The following SH3BP2 variants were observed in gnomAD, a reference collection of about 807,000 sequenced individuals.
SH3BP2 encodes SH3 domain binding protein 2.
A neutral mutation model predicts 56.2 loss-of-function variants in SH3BP2; 38 were observed. That is an observed-to-expected ratio of 0.68 (90% CI 0.52 to 0.89). The LOEUF is 0.89. Ranked by LOEUF, SH3BP2 falls within the 40% of genes least tolerant of loss-of-function variation. SH3BP2 has a pLI of 0.00. For synonymous variants in SH3BP2, 346 were observed against 316.7 expected (o/e 1.09, Z -0.98); for missense variants, 748 against 762.6 (o/e 0.98, Z 0.23).
At position 2,802,542 on chromosome 4, in the gene SH3BP2, GTGTA is replaced by G. The variant is rs1286793617; in HGVS notation, c.-5+9406_-5+9409del. On this transcript the variant is annotated intron_variant, in intron 1 of 12. Transcript: ENST00000503393. Reference sequence around the variant, plus strand: ...TGTATATATATATGTATGTGTGTGTGTGTATATATATGTGTATATATGTATATAT... The same window carrying G: ...TGTATATATATATGTATGTGTGTGTGTATATATGTGTATATATGTATATAT... 5.8e-5 allele frequency among the ~76,000 whole-genome samples: 8 copies of G among 137,940 alleles called. No individual in the cohort carries two copies. The East Asian group carries it at 5.9e-4, about 10-fold the overall frequency. The allele number at this position is 137,940 out of a possible 152,430, so 90.5% of individuals were successfully genotyped here.
chr4:2,831,771 C>G lies in SH3BP2; in HGVS notation c.1350+92C>G, dbSNP rs2108741307. ...GCCAGGGCGGCCCCTCACAGACCGT[C>G]CTGAGCAAGGACCCCCCGAGAACCC... On this transcript the variant is annotated intron_variant, in intron 9 of 12. Coordinates refer to ENST00000503393, the MANE Select transcript of SH3BP2 (RefSeq NM_001122681.2). This position sits in a 1 kb window ranked among gnomAD's most constrained non-coding sequence, Gnocchi z 4.1. 1 of 1,365,654 alleles carries G rather than the reference C, an allele frequency of 7.3e-7. No homozygotes were observed. The highest frequency in any genetic ancestry group is 2.5e-5 in the East Asian group (1 of 40,374). The allele number at this position is 1,365,654 out of a possible 1,614,324, so 84.6% of individuals were successfully genotyped here.
chr4:2,818,761 C>A (rs1288304238), intron 1 of SH3BP2: 4 of 988,110 alleles, frequency 4.0e-6, no homozygotes, highest in Non-Finnish European at 4.8e-6. Context: ...CCGCCCCTGA[C>A]CCCTCCCTGC....
In SH3BP2 at chr4:2,810,661, C is replaced by G. The variant is rs1723712138; in HGVS notation, c.-4-9953C>G. Among the ~76,000 whole-genome samples, 1 of 151,996 alleles carries G rather than the reference C, an allele frequency of 6.6e-6. No individual in the cohort carries two copies. The highest frequency in any genetic ancestry group is 2.4e-5 in the African/African-American group (1 of 41,372). On this transcript the variant is annotated intron_variant, in intron 1 of 12. Transcript: ENST00000503393. The surrounding 1 kb of genome is among the most constrained non-coding windows in gnomAD (Gnocchi z 4.2). ...CACCCCAAGCCCCTTCCTCCCGTGG[C>G]TCCCTCACCCCAGCTCCTTCCAGCA...
intron 1 of SH3BP2, among the ~76,000 whole-genome samples, chr4:2,802,490 ATATG>A (rs1324665270): frequency 6.8e-6 from 1 of 148,048 alleles, no homozygotes; most frequent in Non-Finnish European, 1.5e-5. Context: ...ATATATGTGT[ATATG>A]TATATATATG....
intron 1 of SH3BP2, chr4:2,818,733 G>C (rs1241184716): frequency 1.0e-6 from 1 of 990,508 alleles, no homozygotes; most frequent in East Asian, 1.1e-4. Flanking sequence ...CTGTGGTTGG[G>C]GGTCCTGCGG....
rs1007141972 is a variant in SH3BP2 at position 2,837,339 on chromosome 4, T to G, written c.*3505T>G. On this transcript the variant is annotated 3_prime_UTR_variant, in exon 13 of 13. Coordinates refer to ENST00000503393, the MANE Select transcript of SH3BP2 (RefSeq NM_001122681.2). ...CACGGCGCCCAGCCTTGAAAAGATG[T>G]TTTTAGAACCAGAAGAAACCTCGGT... 3.3e-5 allele frequency: 5 copies of G among 152,212 alleles called. No homozygotes were observed. The highest frequency in any genetic ancestry group is 9.7e-5 in the African/African-American group (4 of 41,428). The allele number at this position is 152,212 out of a possible 1,614,324, so 9.4% of individuals were successfully genotyped here.
rs147455445 is a variant in SH3BP2 at position 2,806,356 on chromosome 4, T to A, written c.-5+13218T>A. ...GGTGGGGAGGAGGTGGGCCCCAGCCTTGGGTGGGAGCCAGGAACTTGGGGT... is the reference window on the plus strand; with the variant it reads ...GGTGGGGAGGAGGTGGGCCCCAGCCATGGGTGGGAGCCAGGAACTTGGGGT... On this transcript the variant is annotated intron_variant, in intron 1 of 12. Coordinates refer to ENST00000503393, the MANE Select transcript of SH3BP2 (RefSeq NM_001122681.2). Among the ~76,000 whole-genome samples, 17 of 152,258 alleles carry A rather than the reference T, an allele frequency of 1.1e-4. No homozygotes were observed. In the East Asian group the frequency reaches 2.3e-3, roughly 21 times the overall value.
At chr4:2,818,195 C>T in intron 1 of SH3BP2, 3 of 987,300 alleles carry the variant, frequency 3.0e-6, no homozygotes, top group Non-Finnish European at 3.6e-6. Context: ...GGGGAGGAGC[C>T]GGCGGCTGCC....
intron 1 of SH3BP2, among the ~76,000 whole-genome samples, chr4:2,804,199 G>A (rs749649813): frequency 2.0e-5 from 3 of 152,104 alleles, no homozygotes; most frequent in South Asian, 4.1e-4. Flanking sequence ...TCCCGGCACC[G>A]CCTGCTCCTG....
At chr4:2,799,435 C>G (rs1015853478) in intron 1 of SH3BP2, 1 of 299,142 alleles carries the variant, frequency 3.3e-6, no homozygotes, top group Non-Finnish European at 4.9e-6. Context: ...TCTCTGAGAT[C>G]AACCTTCCCA....
chr4:2,801,058 G>A (rs1308102057), intron 1 of SH3BP2, among the ~76,000 whole-genome samples: 2 of 124,102 alleles, frequency 1.6e-5, no homozygotes, highest in Non-Finnish European at 3.8e-5. Flanking sequence ...TTGCATGGTT[G>A]GGGGCGGAGA....
chr4:2,831,805 A>T lies in SH3BP2; in HGVS notation c.1351-118A>T. ...GGACCCCCCGAGAACCCGGGAGCCT[A>T]GGGGGACACAGCACCATGTAAAGCC... On this transcript the variant is annotated intron_variant, in intron 9 of 12. Coordinates refer to ENST00000503393, the MANE Select transcript of SH3BP2 (RefSeq NM_001122681.2). The surrounding 1 kb of genome is among the most constrained non-coding windows in gnomAD (Gnocchi z 4.1). 2.2e-6 allele frequency: 3 copies of T among 1,359,728 alleles called. No homozygotes were observed. The highest frequency in any genetic ancestry group is 3.1e-6 in the Non-Finnish European group (3 of 969,620). The allele number at this position is 1,359,728 out of a possible 1,614,324, so 84.2% of individuals were successfully genotyped here. A position where few individuals can be genotyped will look rare whatever the true frequency, so the allele number is the denominator to read the frequency against.
chr4:2,817,341 G>A (rs1424578530), intron 1 of SH3BP2, among the ~76,000 whole-genome samples: 2 of 152,230 alleles, frequency 1.3e-5, no homozygotes, highest in Non-Finnish European at 2.9e-5. Flanking sequence ...AGGGCGGCTG[G>A]AAGGAGGTGG....
rs540256657 is a variant in SH3BP2 at position 2,818,217 on chromosome 4, G to A, written c.-4-2397G>A. ...AGCCGGCGGCTGCCAGGCCAGGGCCGGCGGGCATGGCGGGCTCCGGGCCGC... is the reference window on the plus strand; with the variant it reads ...AGCCGGCGGCTGCCAGGCCAGGGCCAGCGGGCATGGCGGGCTCCGGGCCGC... On this transcript the variant is annotated intron_variant, in intron 1 of 12. Transcript: ENST00000503393. The A allele has an allele frequency of 1.3e-4, 133 of 987,268 alleles. No individual in the cohort carries two copies. The African/African-American group carries it at 1.5e-3, about 11-fold the overall frequency. 61.2% of individuals were successfully genotyped at this position (987,268 alleles called of 1,614,324 possible).
Position 2,810,888 on chromosome 4 carries a change from A to G in SH3BP2, c.-4-9726A>G, listed in dbSNP as rs989869907. Among the ~76,000 whole-genome samples the G allele has an allele frequency of 6.6e-6, 1 of 152,186 alleles. No homozygotes were observed. Among genetic ancestry groups the G allele is most frequent in the Non-Finnish European group, 1.5e-5 (1 of 68,020 alleles). ...TCCTGCAAGGAGGAAAGAGAATGGG[A>G]AGAGGCCCCACTCTGTCCGTGCCCT... On this transcript the variant is annotated intron_variant, in intron 1 of 12. Coordinates refer to ENST00000503393, the MANE Select transcript of SH3BP2 (RefSeq NM_001122681.2). This position sits in a 1 kb window ranked among gnomAD's most constrained non-coding sequence, Gnocchi z 4.2.
At chr4:2,819,031 C>G in intron 1 of SH3BP2, 1 of 334,278 alleles carries the variant, frequency 3.0e-6, no homozygotes, top group Non-Finnish European at 4.3e-6. Flanking sequence ...ACTCCTGGCT[C>G]AATCGATCCT....
intron 5 of SH3BP2, among the ~76,000 whole-genome samples, chr4:2,825,449 C>T (rs865921305): frequency 6.9e-6 from 1 of 144,166 alleles, no homozygotes; most frequent in South Asian, 2.2e-4. Context: ...CGCGGACATG[C>T]ACACACACAG....
intron 1 of SH3BP2, chr4:2,818,326 T>C (rs1724102090): frequency 4.1e-5 from 47 of 1,143,760 alleles, no homozygotes; most frequent in Non-Finnish European, 5.0e-5. Flanking sequence ...GCCGTGCCGG[T>C]GCTCGCAGGG....
chr4:2,810,352 G>C lies in SH3BP2; in HGVS notation c.-4-10262G>C, dbSNP rs1448135456. On this transcript the variant is annotated intron_variant, in intron 1 of 12. Coordinates refer to ENST00000503393, the MANE Select transcript of SH3BP2 (RefSeq NM_001122681.2). The surrounding 1 kb of genome is among the most constrained non-coding windows in gnomAD (Gnocchi z 4.2). The stretch of plus-strand genomic sequence containing the variant: ...CATCACAGCATTGGACCAGGGCTGT[G>C]GGGGGAATGGGCCTGGGCCAGGGTC... Among the ~76,000 whole-genome samples, 2 of 151,518 alleles carry C rather than the reference G, an allele frequency of 1.3e-5. No homozygotes were observed. The highest frequency in any genetic ancestry group is 4.9e-5 in the African/African-American group (2 of 41,194).
Sources: allele counts gnomAD v4.1 joint callset (sites outside exome capture counted in the v4.1 genomes callset), GRCh38; gene constraint gnomAD v4.1.1; non-coding constraint Gnocchi (gnomAD v3.1); transcripts MANE v1.5; gene names NCBI Gene and HGNC (gene_info 2026-07-23, HGNC 2026-07-21).